The following SYNE2 variants were observed in gnomAD, a reference collection of about 807,000 sequenced individuals.
The protein encoded by SYNE2 is spectrin repeat containing nuclear envelope protein 2, also known as nesprin-2.
A neutral mutation model predicts 856.3 loss-of-function variants in SYNE2; 431 were observed. The observed-to-expected ratio is 0.50, with a 90% CI of 0.47 to 0.55. The LOEUF (loss-of-function observed/expected upper bound fraction) is 0.55, where lower values mean the gene tolerates loss of function less well. Ranked by LOEUF, SYNE2 falls within the 20% of genes least tolerant of loss-of-function variation. The probability of loss-of-function intolerance (pLI) is 0.00; values close to 1 mark genes in which losing one functional copy is unlikely to be tolerated. For missense variants in SYNE2, 8,129 were observed against 8,023.2 expected (o/e 1.01, Z -0.50); for synonymous variants, 2,923 against 2,872.3 (o/e 1.02, Z -0.56).
chr14:64,025,521 G>T (rs1378359164), intron 41 of SYNE2, 100 bp downstream of exon 41: 2 of 1,178,752 alleles, frequency 1.7e-6, no homozygotes, highest in African/African-American at 3.1e-5. Context: ...TGGAAAATCA[G>T]ATCACTGTGG....
chr14:64,048,588 A>T (rs2097202105), intron 46 of SYNE2: 1 of 155,650 alleles, frequency 6.4e-6, no homozygotes, highest in African/African-American at 2.4e-5. Flanking sequence ...GTAATCTAAA[A>T]ATCCAATACA....
rs1394202782 is a variant in SYNE2 at position 64,224,555 on chromosome 14, G to T, written c.20469+8G>T. 1 of 1,614,028 alleles carries T rather than the reference G, an allele frequency of 6.2e-7. No homozygotes were observed. The highest frequency in any genetic ancestry group is 8.5e-7 in the Non-Finnish European group (1 of 1,179,968). On this transcript the variant is annotated splice_region_variant and intron_variant, in intron 114 of 115. Transcript: ENST00000555002. ...CCAGCTCCCCGAGCAAAGGTAAGAA[G>T]CCCCTTCCTTCTGTGAGAACCTCAC...
At chr14:63,987,517 C>A (rs1372441869) in intron 19 of SYNE2, among the ~76,000 whole-genome samples, 1 of 152,124 alleles carries the variant, frequency 6.6e-6, no homozygotes, top group Admixed American at 6.5e-5. Flanking sequence ...TAAGTTACAA[C>A]AAGATGGGAA....
In SYNE2 at chr14:64,027,796, G is replaced by T. The variant is rs142902034; in HGVS notation, c.6714+3G>T. 2.5e-6 allele frequency: 4 copies of T among 1,612,422 alleles called. No individual in the cohort carries two copies. The South Asian group carries it at 4.4e-5, about 18-fold the overall frequency. ...AAAGTCTTCTTCAACAACTGCAGGTGAGGTGGTCAAAATAATGCTTTAAAT... is the reference window on the plus strand; with the variant it reads ...AAAGTCTTCTTCAACAACTGCAGGTTAGGTGGTCAAAATAATGCTTTAAAT... On this transcript the variant is annotated splice_donor_region_variant and intron_variant, in intron 43 of 115. Coordinates refer to ENST00000555002, the MANE Select transcript of SYNE2 (RefSeq NM_182914.3).
chr14:63,841,830 TTC>T (rs1196622301), intron 1 of SYNE2, among the ~76,000 whole-genome samples: 3 of 104,750 alleles, frequency 2.9e-5, no homozygotes, highest in African/African-American at 9.2e-5. Flanking sequence ...CTTTCTTTCT[TTC>T]TTTTTTTTTT....
chr14:64,195,999 C>T (rs2098539055), intron 99 of SYNE2, among the ~76,000 whole-genome samples: 1 of 152,064 alleles, frequency 6.6e-6, no homozygotes, highest in Non-Finnish European at 1.5e-5. Context: ...GGGGAGCTCC[C>T]CAAAGGAAAG....
Position 64,122,413 on chromosome 14 carries a change from C to G in SYNE2, c.13408C>G (p.Leu4470Val), listed in dbSNP as rs1457833191. 1.2e-6 allele frequency: 2 copies of G among 1,614,204 alleles called. No individual in the cohort carries two copies. The highest frequency in any genetic ancestry group is 1.7e-6 in the Non-Finnish European group (2 of 1,180,050). ...SSKIKLPLPQ[L>V]VEPQVSTNMG... Reference sequence around the variant, plus strand: ...AAAAATAAAGCTCCCACTCCCTCAGCTTGTGGAGCCTCAGGTCAGTCTGTA... The same window carrying G: ...AAAAATAAAGCTCCCACTCCCTCAGGTTGTGGAGCCTCAGGTCAGTCTGTA... The change falls in exon 70 of 116, where the codon CTT becomes GTT. Residue 4470 changes from leucine to valine, a missense_variant. Leu to Val is a conservative substitution (Grantham distance 32). This residue lies in a region of SYNE2 where 5,410 missense variants were observed against 5,284.8 expected (regional missense o/e 1.02). Transcript: ENST00000555002.
chr14:63,875,506 C>G (rs1390339546), intron 1 of SYNE2, among the ~76,000 whole-genome samples: 1 of 152,064 alleles, frequency 6.6e-6, no homozygotes, highest in Non-Finnish European at 1.5e-5. Context: ...GGAAGTTAAG[C>G]TTGGGGTGGA....
At chr14:64,042,043 C>G (rs1313855725) in intron 45 of SYNE2, among the ~76,000 whole-genome samples, 1 of 152,030 alleles carries the variant, frequency 6.6e-6, no homozygotes, top group East Asian at 1.9e-4. Context: ...AAGAATCATA[C>G]AAGGGTATAT....
In SYNE2 at chr14:64,078,331, G is replaced by A. The variant is rs1157235156; in HGVS notation, c.11023-135G>A. 461 of 954,688 alleles carry A rather than the reference G, an allele frequency of 4.8e-4. 3 individuals are homozygous for A. The highest frequency in any genetic ancestry group is 1.6e-5 in the Non-Finnish European group (10 of 617,742). The allele number at this position is 954,688 out of a possible 1,614,324, so 59.1% of individuals were successfully genotyped here. ...TATCCACCTTCTCATTAATGCATTT[G>A]CCAGAATTTCTTCCCCCAGCCCTTA... is the stretch of plus-strand genomic sequence containing the variant. On this transcript the variant is annotated intron_variant, in intron 54 of 115. Coordinates refer to ENST00000555002, the MANE Select transcript of SYNE2 (RefSeq NM_182914.3).
intron 82 of SYNE2, among the ~76,000 whole-genome samples, chr14:64,142,812 A>G (rs141268577): frequency 0.012 from 1,840 of 152,238 alleles, 15 homozygotes; most frequent in Middle Eastern, 0.027. Context: ...CTACAAATAG[A>G]TATAAATGTG....
rs777821426 is a variant in SYNE2 at position 64,137,973 on chromosome 14, C to G, written c.14833C>G (p.His4945Asp). 4 of 1,613,546 alleles carry G rather than the reference C, an allele frequency of 2.5e-6. No homozygotes were observed. The East Asian group carries it at 8.9e-5, about 36-fold the overall frequency. ...ELHRLQALLK[H>D]LLSYNRDSDQ... Reference sequence around the variant, plus strand: ...CCACAGGCTGCAAGCTCTTCTCAAGCATCTGCTCAGGTCAGCCTTTTTGGG... The same window carrying G: ...CCACAGGCTGCAAGCTCTTCTCAAGGATCTGCTCAGGTCAGCCTTTTTGGG... The change falls in exon 79 of 116, where the codon CAT (histidine) becomes GAT (aspartate). Residue 4945 changes from histidine (H) to aspartate (D), a missense_variant. Physicochemically the swap from His to Asp is moderately conservative, Grantham distance 81. Around this residue, in one of 3 missense-constraint regions of SYNE2, gnomAD observed 5,410 missense variants for 5,284.8 expected, o/e 1.02. Coordinates refer to ENST00000555002, the MANE Select transcript of SYNE2 (RefSeq NM_182914.3).
At chr14:63,950,542 C>T (rs544696792) in intron 7 of SYNE2, among the ~76,000 whole-genome samples, 1 of 152,012 alleles carries the variant, frequency 6.6e-6, no homozygotes, top group Non-Finnish European at 1.5e-5. Flanking sequence ...GCAACAAGAG[C>T]GAAACTCTTG....
intron 94 of SYNE2, among the ~76,000 whole-genome samples, chr14:64,172,934 GAA>G (rs11369182): frequency 1.4e-5 from 2 of 142,674 alleles, no homozygotes; most frequent in Admixed American, 1.4e-4. Context: ...GACCTGTCTG[GAA>G]AAAAAAAAAA....
At position 64,214,245 on chromosome 14, in the gene SYNE2, C is replaced by G. The variant is rs1243529681; in HGVS notation, c.19108C>G (p.Pro6370Ala). The G allele has an allele frequency of 1.2e-6, 2 of 1,613,942 alleles. No individual in the cohort carries two copies. Among genetic ancestry groups the G allele is most frequent in the Non-Finnish European group, 1.7e-6 (2 of 1,180,008 alleles). Residue 6370 changes from proline to alanine, a missense_variant, in exon 106 of 116, where the codon CCC (proline) becomes GCC (alanine). Coordinates refer to ENST00000555002, the MANE Select transcript of SYNE2 (RefSeq NM_182914.3). ...ASENETDMED[P>A]REIQTDSWRK... is the part of the protein sequence containing the mutation. ...TGAGAATGAAACAGACATGGAAGAC[C>G]CCAGAGAAATCCAGACTGATTCTTG...
intron 6 of SYNE2, among the ~76,000 whole-genome samples, chr14:63,942,510 T>C (rs1257477985): frequency 6.6e-6 from 1 of 151,680 alleles, no homozygotes; most frequent in Non-Finnish European, 1.5e-5. Flanking sequence ...TTTTCTTTTT[T>C]TTGAGGTGGA....
chr14:63,986,499 A>G lies in SYNE2; in HGVS notation c.2195A>G (p.Gln732Arg), dbSNP rs1346845356. 1.9e-6 allele frequency: 3 copies of G among 1,614,210 alleles called. No homozygotes were observed. The South Asian group carries it at 3.3e-5, about 18-fold the overall frequency. The change falls in exon 19 of 116, where the codon CAA (glutamine) becomes CGA (arginine). Residue 732 changes from glutamine (Q) to arginine (R), a missense_variant. By Grantham distance (43) the Gln-to-Arg change is conservative. Transcript: ENST00000555002. ...AAAGAAAATGAAGAATTCACAGGGC[A>G]ACTAAAAGTGGCTAAAGATGTTGAA... The part of the protein sequence containing the change: ...HEKENEEFTG[Q>R]LKVAKDVEKL...
intron 10 of SYNE2, 83 bp downstream of exon 10, chr14:63,964,083 T>G (rs1457074113): frequency 1.2e-6 from 1 of 818,112 alleles, no homozygotes; most frequent in South Asian, 1.5e-5. Context: ...TCTTTCAGGC[T>G]TAAGTATTTT....
intron 99 of SYNE2, among the ~76,000 whole-genome samples, chr14:64,196,081 T>C (rs531958197): frequency 5.4e-4 from 82 of 152,328 alleles, no homozygotes; most frequent in Non-Finnish European, 1.0e-3. Context: ...AGGTTCACGT[T>C]CAGCAGGTTG....
Sources: gnomAD v4.1 joint callset for allele counts (sites outside exome capture counted in the v4.1 genomes callset) on GRCh38, gnomAD v4.1.1 for gene constraint, gnomAD v4.1.1 regional missense constraint, MANE v1.5 for transcripts, NCBI Gene and HGNC (gene_info 2026-07-23, HGNC 2026-07-21) for gene names.